Variants in TMEM132D observed in about 807,000 individuals in gnomAD.
The protein encoded by TMEM132D is mature OL transmembrane protein.
TMEM132D carries 21 observed loss-of-function variants against 62.3 expected under a neutral mutation model. The ratio of observed to expected loss-of-function variants is 0.34; its 90% CI spans 0.24 to 0.49. TMEM132D has a LOEUF of 0.49. TMEM132D is among the 20% of genes least tolerant of loss of function. The pLI, the probability that TMEM132D is intolerant of heterozygous loss-of-function variation, is 0.99. For synonymous variants in TMEM132D, 621 were observed against 575.6 expected (o/e 1.08, Z -1.13); for missense variants, 1,346 against 1,402.8 (o/e 0.96, Z 0.65).
Position 129,592,818 on chromosome 12 carries a change from G to C in TMEM132D, c.969-61613C>G, listed in dbSNP as rs1343842108. Among the ~76,000 whole-genome samples, 5 of 152,162 alleles carry C rather than the reference G, an allele frequency of 3.3e-5. No homozygotes were observed. In the East Asian group the frequency reaches 5.8e-4, roughly 18 times the overall value. On this transcript the variant is annotated intron_variant, in intron 2 of 8. Transcript: ENST00000422113. ...GTGCAAAAGTGGGTCTCAGAAAGAAGATGCAGACAAAGGACACAGCTCCGA... is the reference window on the plus strand; with the variant it reads ...GTGCAAAAGTGGGTCTCAGAAAGAACATGCAGACAAAGGACACAGCTCCGA...
At chr12:129,662,351 G>A (rs369964127) in intron 2 of TMEM132D, among the ~76,000 whole-genome samples, 3 of 152,102 alleles carry the variant, frequency 2.0e-5, no homozygotes, top group African/African-American at 2.4e-5. Context: ...ACCTCCAATC[G>A]CCAAGTTATT....
chr12:129,643,423 TG>T (rs1449782835), intron 2 of TMEM132D, among the ~76,000 whole-genome samples: 1 of 152,216 alleles, frequency 6.6e-6, no homozygotes. Flanking sequence ...TGCTTACATA[TG>T]TTCTCTGGCT....
intron 5 of TMEM132D, among the ~76,000 whole-genome samples, chr12:129,133,843 C>T (rs184774458): frequency 1.0e-3 from 156 of 152,268 alleles, no homozygotes; most frequent in Non-Finnish European, 1.4e-3. Context: ...AAATTATATC[C>T]TGGCTATTTT....
chr12:129,471,649 C>A (rs1301352912), intron 3 of TMEM132D, among the ~76,000 whole-genome samples: 5 of 152,184 alleles, frequency 3.3e-5, no homozygotes, highest in African/African-American at 1.2e-4. Context: ...GATTAACCTT[C>A]ATGAGGAAGG....
chr12:129,476,466 G>A (rs1373967968), intron 3 of TMEM132D, among the ~76,000 whole-genome samples: 1 of 152,128 alleles, frequency 6.6e-6, no homozygotes, highest in Non-Finnish European at 1.5e-5. Flanking sequence ...CATTGTTGGT[G>A]CCCCACACCT....
At chr12:129,342,660 T>C (rs1869534788) in intron 3 of TMEM132D, among the ~76,000 whole-genome samples, 1 of 151,886 alleles carries the variant, frequency 6.6e-6, no homozygotes, top group Non-Finnish European at 1.5e-5. Flanking sequence ...GGGAGAAAAT[T>C]TTCGCAACCT....
intron 5 of TMEM132D, among the ~76,000 whole-genome samples, chr12:129,130,969 A>C (rs1300902904): frequency 2.0e-5 from 3 of 152,146 alleles, no homozygotes; most frequent in African/African-American, 7.2e-5. Flanking sequence ...TTCTGATTCA[A>C]CCGGGCAGTG....
intron 5 of TMEM132D, among the ~76,000 whole-genome samples, chr12:129,169,390 G>A (rs1877658415): frequency 6.6e-6 from 1 of 152,228 alleles, no homozygotes; most frequent in African/African-American, 2.4e-5. Flanking sequence ...AGCTATGGCA[G>A]CCATCATGTG....
At chr12:129,486,307 T>C (rs746978070) in intron 3 of TMEM132D, among the ~76,000 whole-genome samples, 2 of 152,178 alleles carry the variant, frequency 1.3e-5, no homozygotes, top group East Asian at 1.9e-4. Flanking sequence ...TTCATCTCCA[T>C]AAAAATTTTA....
chr12:129,177,754 C>G (rs1877945021), intron 5 of TMEM132D, among the ~76,000 whole-genome samples: 1 of 152,100 alleles, frequency 6.6e-6, no homozygotes, highest in Non-Finnish European at 1.5e-5. Flanking sequence ...TAAGTAAGTT[C>G]CCTGACTCTT....
rs749401395 is a variant in TMEM132D, at chr12:129,867,249, G to C, written c.79+36012C>G. On this transcript the variant is annotated intron_variant, in intron 1 of 8. Coordinates refer to ENST00000422113, the MANE Select transcript of TMEM132D (RefSeq NM_133448.3). This position sits in a 1 kb window ranked among gnomAD's most constrained non-coding sequence, Gnocchi z 4.5. ...CACTCCAGCCTGGGTGACAGAGCCA[G>C]ACTCTGTCTCAAAAAAAGAAAAAGA... Among the ~76,000 whole-genome samples the C allele has an allele frequency of 6.6e-6, 1 of 151,502 alleles. No individual in the cohort carries two copies. Among genetic ancestry groups the C allele is most frequent in the African/African-American group, 2.4e-5 (1 of 41,366 alleles).
At chr12:129,226,108 G>A (rs775755505) in intron 4 of TMEM132D, among the ~76,000 whole-genome samples, 4 of 152,126 alleles carry the variant, frequency 2.6e-5, no homozygotes, top group Non-Finnish European at 5.9e-5. Context: ...TGTTATTTTC[G>A]CATCATGTGT....
chr12:129,335,786 C>T (rs76756211), intron 4 of TMEM132D, among the ~76,000 whole-genome samples: 2,608 of 152,290 alleles, frequency 0.017, 66 homozygotes, highest in African/African-American at 0.06. Flanking sequence ...AAGTAGGTTT[C>T]TCAGCCTTCC....
At chr12:129,901,612 AG>A (rs957292407) in intron 1 of TMEM132D, among the ~76,000 whole-genome samples, 2 of 152,238 alleles carry the variant, frequency 1.3e-5, no homozygotes, top group Non-Finnish European at 2.9e-5. Context: ...CACATCACAC[AG>A]GACCTCATTT....
intron 2 of TMEM132D, among the ~76,000 whole-genome samples, chr12:129,576,441 A>T (rs534235): frequency 1.3e-4 from 19 of 151,726 alleles, no homozygotes; most frequent in African/African-American, 4.1e-4. Flanking sequence ...TGTGTCTATA[A>T]GTATGTGTAT....
At chr12:129,254,983 A>G (rs1880363438) in intron 4 of TMEM132D, among the ~76,000 whole-genome samples, 1 of 152,032 alleles carries the variant, frequency 6.6e-6, no homozygotes. Context: ...GTGGGGGTGG[A>G]TCCTTCACAA....
At chr12:129,548,192 C>T (rs1046718115) in intron 2 of TMEM132D, among the ~76,000 whole-genome samples, 1 of 152,144 alleles carries the variant, frequency 6.6e-6, no homozygotes, top group Non-Finnish European at 1.5e-5. Flanking sequence ...CTTGGGGTTC[C>T]CGCCTATATC....
chr12:129,605,626 C>CACACATATATATAT, intron 2 of TMEM132D, among the ~76,000 whole-genome samples: 1 of 101,350 alleles, frequency 9.9e-6, no homozygotes, highest in Non-Finnish European at 2.1e-5. Context: ...TATATATACA[C>CACACATATATATAT]ACACACACAC....
At chr12:129,790,879 T>C (rs1183959931) in intron 1 of TMEM132D, among the ~76,000 whole-genome samples, 1 of 152,216 alleles carries the variant, frequency 6.6e-6, no homozygotes, top group Non-Finnish European at 1.5e-5. Context: ...ATATGTTTAA[T>C]AGATGTTCTT....
Sources: allele counts gnomAD v4.1 joint callset (sites outside exome capture counted in the v4.1 genomes callset), GRCh38; gene constraint gnomAD v4.1.1; non-coding constraint Gnocchi (gnomAD v3.1); transcripts MANE v1.5; gene names NCBI Gene and HGNC (gene_info 2026-07-23, HGNC 2026-07-21).